The following SNTG1 variants were observed in gnomAD, a reference collection of about 807,000 sequenced individuals.
SNTG1 encodes syntrophin gamma 1, also known as gamma-1-syntrophin.
In SNTG1, 39 loss-of-function variants were observed where a neutral mutation model predicts 74.7. The ratio of observed to expected loss-of-function variants is 0.52; its 90% CI spans 0.40 to 0.68. SNTG1 has a LOEUF of 0.68. Among genes scored for constraint, SNTG1 ranks in the 30% least tolerant of loss-of-function variants. The pLI, the probability that SNTG1 is intolerant of heterozygous loss-of-function variation, is 0.00. For synonymous variants in SNTG1, 254 were observed against 217.1 expected (o/e 1.17, Z -1.49); for missense variants, 685 against 609.5 (o/e 1.12, Z -1.30).
chr8:50,533,607 C>A (rs2094286469), intron 10 of SNTG1, among the ~76,000 whole-genome samples: 1 of 152,036 alleles, frequency 6.6e-6, no homozygotes, highest in African/African-American at 2.4e-5. Flanking sequence ...AATTTATATT[C>A]TATTTACATA....
intron 2 of SNTG1, among the ~76,000 whole-genome samples, chr8:50,231,004 G>T (rs117371765): frequency 0.012 from 1,753 of 151,320 alleles, 17 homozygotes; most frequent in Non-Finnish European, 0.019. Flanking sequence ...TCTGATAAGG[G>T]ATTAATATCC....
intron 18 of SNTG1, among the ~76,000 whole-genome samples, chr8:50,789,643 C>T (rs544495090): frequency 6.6e-6 from 1 of 152,132 alleles, no homozygotes; most frequent in African/African-American, 2.4e-5. Flanking sequence ...CAGAGCAACA[C>T]GTTTTTTCCA....
intron 2 of SNTG1, among the ~76,000 whole-genome samples, chr8:50,309,646 G>A (rs1424468451): frequency 6.6e-6 from 1 of 152,108 alleles, no homozygotes; most frequent in East Asian, 1.9e-4. Flanking sequence ...TTGAGGGCTG[G>A]AACAAATATA....
At chr8:50,316,345 G>A (rs1203614455) in intron 2 of SNTG1, among the ~76,000 whole-genome samples, 1 of 152,138 alleles carries the variant, frequency 6.6e-6, no homozygotes, top group East Asian at 1.9e-4. Context: ...CCACAATCAT[G>A]TCTACTTAAT....
intron 1 of SNTG1, among the ~76,000 whole-genome samples, chr8:49,917,630 T>C (rs1806162100): frequency 6.6e-6 from 1 of 152,180 alleles, no homozygotes; most frequent in Non-Finnish European, 1.5e-5. Flanking sequence ...TACCGCTCTC[T>C]CATTTCTCCA....
chr8:50,035,720 T>C (rs1818100609), intron 1 of SNTG1, among the ~76,000 whole-genome samples: 1 of 152,144 alleles, frequency 6.6e-6, no homozygotes, highest in Non-Finnish European at 1.5e-5. Flanking sequence ...CGCTGAGGAC[T>C]AACACAGACC....
intron 1 of SNTG1, among the ~76,000 whole-genome samples, chr8:50,048,277 C>T (rs942381066): frequency 3.3e-5 from 5 of 151,496 alleles, no homozygotes; most frequent in African/African-American, 4.9e-5. Context: ...GAAGATAAAC[C>T]AAGAGAAAAA....
intron 2 of SNTG1, among the ~76,000 whole-genome samples, chr8:50,263,636 A>G (rs1453136252): frequency 6.6e-6 from 1 of 152,204 alleles, no homozygotes; most frequent in Non-Finnish European, 1.5e-5. Context: ...TTCATTTTTA[A>G]TGAATTTAAA....
intron 18 of SNTG1, among the ~76,000 whole-genome samples, chr8:50,784,349 A>G (rs1170667265): frequency 6.6e-6 from 1 of 152,194 alleles, no homozygotes; most frequent in Non-Finnish European, 1.5e-5. Flanking sequence ...GGATACAAAT[A>G]TATATATCTT....
At position 49,999,855 on chromosome 8, in the gene SNTG1, T is replaced by C. The variant is rs935883429; in HGVS notation, c.-103+87624T>C. On this transcript the variant is annotated intron_variant, in intron 1 of 18. Transcript: ENST00000642720. ...CACTGAATATTTCACCTAACTTCATTTGCCTCTGTCCACTAGAATGGAACC... is the reference window on the plus strand; with the variant it reads ...CACTGAATATTTCACCTAACTTCATCTGCCTCTGTCCACTAGAATGGAACC... Among the ~76,000 whole-genome samples, 3 of 152,290 alleles carry C rather than the reference T, an allele frequency of 2.0e-5. 1 individual carries two copies. Among genetic ancestry groups the C allele is most frequent in the Middle Eastern group, 6.8e-3 (2 of 294 alleles).
intron 2 of SNTG1, among the ~76,000 whole-genome samples, chr8:50,225,239 G>A (rs139207428): frequency 4.6e-4 from 70 of 152,050 alleles, no homozygotes; most frequent in East Asian, 1.4e-3. Flanking sequence ...CCCAAAGTGC[G>A]TATTTTTAAG....
intron 12 of SNTG1, among the ~76,000 whole-genome samples, chr8:50,564,473 T>C (rs1209467751): frequency 6.6e-6 from 1 of 152,100 alleles, no homozygotes; most frequent in African/African-American, 2.4e-5. Flanking sequence ...TGAATAGTTA[T>C]TTTGCATTTA....
intron 12 of SNTG1, among the ~76,000 whole-genome samples, chr8:50,583,918 C>A (rs1481976222): frequency 6.6e-6 from 1 of 151,982 alleles, no homozygotes; most frequent in African/African-American, 2.4e-5. Flanking sequence ...GCTATCCCTC[C>A]CCGCTCCCTC....
At chr8:50,750,819 A>T in intron 17 of SNTG1, among the ~76,000 whole-genome samples, 1 of 151,994 alleles carries the variant, frequency 6.6e-6, no homozygotes, top group Middle Eastern at 3.2e-3. Context: ...GGAACCAAAC[A>T]ATTTCTGTGA....
intron 2 of SNTG1, among the ~76,000 whole-genome samples, chr8:50,289,443 A>C (rs535080821): frequency 2.6e-5 from 4 of 152,296 alleles, no homozygotes; most frequent in Non-Finnish European, 2.9e-5. Flanking sequence ...TCAGTGACTG[A>C]AGTTGTACTT....
In SNTG1 at chr8:50,395,506, G is replaced by GGTTTTTTTTTTTTT. The variant is rs58030144; in HGVS notation, c.27+1241_27+1242insGTTTTTTTTTTTTT. On this transcript the variant is annotated intron_variant, in intron 3 of 18. Transcript: ENST00000642720. ...TTTAAATTTTAATTGTCTAATTTCTGTTTTTTTTTTTTTTTTTAATGGAGT... is the reference window on the plus strand; with the variant it reads ...TTTAAATTTTAATTGTCTAATTTCTGGTTTTTTTTTTTTTTTTTTTTTTTTTTTTTTAATGGAGT... Among the ~76,000 whole-genome samples the GGTTTTTTTTTTTTT allele has an allele frequency of 6.6e-5, 9 of 135,656 alleles. 4 individuals carry two copies. The highest frequency in any genetic ancestry group is 6.2e-5 in the Non-Finnish European group (4 of 64,850). 89.0% of individuals were successfully genotyped at this position (135,656 alleles called of 152,430 possible).
At chr8:50,653,974 G>GTT (rs530852871) in intron 13 of SNTG1, among the ~76,000 whole-genome samples, 2 of 151,266 alleles carry the variant, frequency 1.3e-5, no homozygotes, top group South Asian at 2.1e-4. Flanking sequence ...TAATGTACAC[G>GTT]TTTTTTTTTC....
chr8:50,779,091 T>A (rs186721024), intron 18 of SNTG1, among the ~76,000 whole-genome samples: 1 of 152,246 alleles, frequency 6.6e-6, no homozygotes, highest in African/African-American at 2.4e-5. Context: ...TACCATGCTG[T>A]TTTGGTTACT....
At chr8:50,573,347 AT>A (rs937956241) in intron 12 of SNTG1, among the ~76,000 whole-genome samples, 1 of 152,050 alleles carries the variant, frequency 6.6e-6, no homozygotes, top group African/African-American at 2.4e-5. Flanking sequence ...TGTTTCTTAA[AT>A]TTTTTAAGTA....
Sources: gnomAD v4.1 joint callset for allele counts (sites outside exome capture counted in the v4.1 genomes callset) on GRCh38, gnomAD v4.1.1 for gene constraint, MANE v1.5 for transcripts, NCBI Gene and HGNC (gene_info 2026-07-23, HGNC 2026-07-21) for gene names.